Variants in AGPAT5 observed in about 807,000 individuals in gnomAD.
AGPAT5 encodes 1-acyl-sn-glycerol-3-phosphate acyltransferase epsilon.
Under a neutral mutation model 45.6 loss-of-function variants are expected in AGPAT5, and 46 were observed. That is an observed-to-expected ratio of 1.01 (90% CI 0.80 to 1.29). The LOEUF (loss-of-function observed/expected upper bound fraction) is 1.29. Among genes scored for constraint, AGPAT5 ranks in the 50% most tolerant of loss-of-function variants. The pLI is 0.00. For synonymous variants in AGPAT5, 272 were observed against 167.0 expected, an observed-to-expected ratio of 1.63 and a Z score of -4.85; for missense variants, 673 against 450.7, an observed-to-expected ratio of 1.49 and a Z score of -4.47.
At chr8:6,744,441 C>T (rs1235662882) in intron 5 of AGPAT5, among the ~76,000 whole-genome samples, 3 of 152,216 alleles carry the variant, frequency 2.0e-5, no homozygotes, top group Non-Finnish European at 4.4e-5. Context: ...TCTTCTCTTA[C>T]ATTTGAGAAG....
At chr8:6,724,296 C>T (rs1800608557) in intron 1 of AGPAT5, among the ~76,000 whole-genome samples, 1 of 152,188 alleles carries the variant, frequency 6.6e-6, no homozygotes, top group Non-Finnish European at 1.5e-5. Context: ...AACAGGCCTC[C>T]AGGGTTACTG....
intron 2 of AGPAT5, among the ~76,000 whole-genome samples, chr8:6,729,421 G>T (rs1341707622): frequency 6.6e-6 from 1 of 151,330 alleles, no homozygotes. Context: ...GAACATGGGT[G>T]ATGATAGAAT....
At chr8:6,733,324 C>T (rs1348284286) in intron 4 of AGPAT5, among the ~76,000 whole-genome samples, 1 of 152,176 alleles carries the variant, frequency 6.6e-6, no homozygotes, top group African/African-American at 2.4e-5. Flanking sequence ...TTTCTGGCTC[C>T]CTCCCTCTGT....
rs116542141 is a variant in AGPAT5, at chr8:6,714,688, A to G, written c.219+5801A>G. ...GGTGTGTAACTTTAGATTTCTTCCA[A>G]GAGCTTTTGAGTAAGTGTTTGAATT... On this transcript the variant is annotated intron_variant, in intron 1 of 7. Coordinates refer to ENST00000285518, the MANE Select transcript of AGPAT5 (RefSeq NM_018361.5). 6.0e-3 allele frequency among the ~76,000 whole-genome samples: 908 copies of G among 152,336 alleles called. 5 individuals are homozygous for G. The highest frequency in any genetic ancestry group is 0.02 in the African/African-American group (844 of 41,574).
At chr8:6,736,926 A>G (rs1169688423) in intron 4 of AGPAT5, among the ~76,000 whole-genome samples, 1 of 152,212 alleles carries the variant, frequency 6.6e-6, no homozygotes, top group Non-Finnish European at 1.5e-5. Flanking sequence ...TGTAAATCAA[A>G]GTTCTGTTTT....
rs1455509098 is a variant in AGPAT5 at position 6,708,668 on chromosome 8, G to T, written c.-1G>T. On this transcript the variant is annotated 5_prime_UTR_variant, in exon 1 of 8. Coordinates refer to ENST00000285518, the MANE Select transcript of AGPAT5 (RefSeq NM_018361.5). Reference sequence around the variant, plus strand: ...GAGCTCGCTGCCGCCGAGCTGAGAAGATGCTGCTGTCCCTGGTGCTCCACA... The same window carrying T: ...GAGCTCGCTGCCGCCGAGCTGAGAATATGCTGCTGTCCCTGGTGCTCCACA... The T allele has an allele frequency of 6.4e-7, 1 of 1,571,960 alleles. No homozygotes were observed. The highest frequency in any genetic ancestry group is 8.6e-7 in the Non-Finnish European group (1 of 1,166,062).
intron 1 of AGPAT5, among the ~76,000 whole-genome samples, chr8:6,713,975 T>G (rs1316126153): frequency 6.6e-6 from 1 of 152,224 alleles, no homozygotes; most frequent in African/African-American, 2.4e-5. Flanking sequence ...TGAGTTAAAT[T>G]TATATTCTGA....
intron 5 of AGPAT5, among the ~76,000 whole-genome samples, chr8:6,747,118 A>C (rs950518684): frequency 2.0e-5 from 3 of 152,248 alleles, no homozygotes; most frequent in African/African-American, 7.2e-5. Flanking sequence ...TATGGATGCA[A>C]CCCAAATGTC....
chr8:6,719,128 T>C (rs1043369260), intron 1 of AGPAT5, among the ~76,000 whole-genome samples: 2 of 152,256 alleles, frequency 1.3e-5, no homozygotes, highest in African/African-American at 4.8e-5. Flanking sequence ...TATCAGGATT[T>C]AATATGGTGA....
At chr8:6,739,207 G>C (rs1264433502) in intron 4 of AGPAT5, among the ~76,000 whole-genome samples, 1 of 152,078 alleles carries the variant, frequency 6.6e-6, no homozygotes, top group Non-Finnish European at 1.5e-5. Context: ...TTTGCAGTAA[G>C]TTTTTAAATA....
chr8:6,752,175 TA>T (rs200030722), intron 6 of AGPAT5, among the ~76,000 whole-genome samples: 1 of 149,566 alleles, frequency 6.7e-6, no homozygotes, highest in African/African-American at 2.5e-5. Flanking sequence ...AGAATCCGCC[TA>T]AAAAAAAAGG....
intron 5 of AGPAT5, chr8:6,746,007 C>T (rs1160350532): frequency 6.6e-6 from 1 of 151,604 alleles, no homozygotes; most frequent in African/African-American, 2.4e-5. Flanking sequence ...CCCTCCCTCC[C>T]TTTCTTCCTT....
chr8:6,732,264 A>C (rs550902472), intron 3 of AGPAT5, among the ~76,000 whole-genome samples: 1 of 152,282 alleles, frequency 6.6e-6, no homozygotes, highest in African/African-American at 2.4e-5. Flanking sequence ...CAGGTTTTTT[A>C]TTTTTAAAAA....
intron 1 of AGPAT5, among the ~76,000 whole-genome samples, chr8:6,723,520 C>T (rs946373688): frequency 2.7e-5 from 4 of 150,076 alleles, no homozygotes; most frequent in African/African-American, 9.7e-5. Context: ...TATGCCTGGG[C>T]TGTGCAAAAC....
At chr8:6,750,748 T>C (rs1173551266) in intron 6 of AGPAT5, among the ~76,000 whole-genome samples, 1 of 151,270 alleles carries the variant, frequency 6.6e-6, no homozygotes, top group Non-Finnish European at 1.5e-5. Context: ...ATCCATTAGA[T>C]TGGCAAACAT....
chr8:6,747,331 G>A (rs1333997871), intron 5 of AGPAT5, among the ~76,000 whole-genome samples: 1 of 152,222 alleles, frequency 6.6e-6, no homozygotes, highest in Non-Finnish European at 1.5e-5. Flanking sequence ...CCATGGGCAA[G>A]ATGCTATCAC....
At chr8:6,739,376 G>A (rs542612978) in intron 4 of AGPAT5, among the ~76,000 whole-genome samples, 1 of 152,154 alleles carries the variant, frequency 6.6e-6, no homozygotes, top group Admixed American at 6.5e-5. Context: ...GATGAATTTG[G>A]GAAGAATTGA....
At chr8:6,734,173 C>G (rs574457675) in intron 4 of AGPAT5, among the ~76,000 whole-genome samples, 1 of 152,146 alleles carries the variant, frequency 6.6e-6, no homozygotes, top group African/African-American at 2.4e-5. Flanking sequence ...TATTCCTACC[C>G]CAGTCTTTCT....
chr8:6,757,037 C>T (rs1235228969), intron 7 of AGPAT5, 126 bp from the exon 8 acceptor site: 14 of 670,030 alleles, frequency 2.1e-5, no homozygotes, highest in African/African-American at 7.3e-5. Flanking sequence ...TGGATGTTTC[C>T]GTATTCATCC....
Sources: gnomAD v4.1 joint callset for allele counts (sites outside exome capture counted in the v4.1 genomes callset) on GRCh38, gnomAD v4.1.1 for gene constraint, MANE v1.5 for transcripts, NCBI Gene and HGNC (gene_info 2026-07-23, HGNC 2026-07-21) for gene names.